ZNF496: variants seen among roughly 807,000 people sequenced by gnomAD.
ZNF496 encodes NSD1 (nuclear receptor binding SET-domain containing 1)-interacting zinc finger protein 1.
ZNF496 carries 11 observed loss-of-function variants against 58.9 expected under a neutral mutation model. The ratio of observed to expected loss-of-function variants is 0.19; its 90% CI spans 0.12 to 0.31. ZNF496 has a LOEUF of 0.31. ZNF496 is among the 10% of genes least tolerant of loss of function. The probability of loss-of-function intolerance (pLI) is 1.00; values close to 1 mark genes in which losing one functional copy is unlikely to be tolerated. For synonymous variants in ZNF496, 338 were observed against 318.2 expected, an observed-to-expected ratio of 1.06 and a Z score of -0.66; for missense variants, 660 against 783.0, an observed-to-expected ratio of 0.84 and a Z score of 1.88.
intron 1 of ZNF496, 42 bp downstream of exon 1, chr1:247,331,748 A>AGGGCG (rs893423828): frequency 2.0e-4 from 30 of 149,106 alleles, no homozygotes; most frequent in Non-Finnish European, 4.2e-4. Flanking sequence ...CGGGCCGAGG[A>AGGGCG]GGGCGGGGCG....
rs1660272227 is a variant in ZNF496 at position 247,330,156 on chromosome 1, A to C, written c.-153-75T>G. The C allele has an allele frequency of 2.6e-5, 4 of 152,338 alleles. No homozygotes were observed. In the South Asian group the frequency reaches 8.3e-4, roughly 31 times the overall value. 9.4% of individuals were successfully genotyped at this position (152,338 alleles called of 1,614,324 possible). A position where few individuals can be genotyped will look rare whatever the true frequency, so the allele number is the denominator to read the frequency against. On this transcript the variant is annotated intron_variant, in intron 2 of 9. Transcript: ENST00000682384. Reference sequence around the variant, plus strand: ...ATGGAAAATCCACCCTTCTGGTGGCAGAGGGCTGATGGTGCTGCGTGCTGG... The same window carrying C: ...ATGGAAAATCCACCCTTCTGGTGGCCGAGGGCTGATGGTGCTGCGTGCTGG...
In ZNF496 at chr1:247,309,260, T is replaced by A. The variant is rs1436636992; in HGVS notation, c.892+439A>T. On this transcript the variant is annotated intron_variant, in intron 8 of 9. Coordinates refer to ENST00000682384, the MANE Select transcript of ZNF496 (RefSeq NM_032752.3). This position sits in a 1 kb window ranked among gnomAD's most constrained non-coding sequence, Gnocchi z 4.3. Reference sequence around the variant, plus strand: ...GCCCCAGCACCTCCCCACACCCCAGTGTCCTCACAGCACCCCTGTACCAGG... The same window carrying A: ...GCCCCAGCACCTCCCCACACCCCAGAGTCCTCACAGCACCCCTGTACCAGG... The A allele has an allele frequency of 6.8e-6, 3 of 444,268 alleles. No homozygotes were observed. The highest frequency in any genetic ancestry group is 2.1e-5 in the African/African-American group (1 of 46,516). The allele number at this position is 444,268 out of a possible 1,614,324, so 27.5% of individuals were successfully genotyped here.
intron 9 of ZNF496, among the ~76,000 whole-genome samples, chr1:247,305,167 T>C (rs1232690227): frequency 2.6e-5 from 4 of 151,920 alleles, no homozygotes; most frequent in African/African-American, 9.7e-5. Flanking sequence ...CCACATATGG[T>C]GGGAGGCCGA....
Position 247,329,594 on chromosome 1 carries a change from G to C in ZNF496, c.-16C>G. On this transcript the variant is annotated 5_prime_UTR_variant, in exon 4 of 10. Coordinates refer to ENST00000682384, the MANE Select transcript of ZNF496 (RefSeq NM_032752.3). This position sits in a 1 kb window ranked among gnomAD's most constrained non-coding sequence, Gnocchi z 5.5. Reference sequence around the variant, plus strand: ...CTGTGGGCATGATGGGATTTGATGGGGGTCAGCAGCAGAAGACGACCCTAT... The same window carrying C: ...CTGTGGGCATGATGGGATTTGATGGCGGTCAGCAGCAGAAGACGACCCTAT... The C allele has an allele frequency of 6.5e-7, 1 of 1,532,318 alleles. No individual in the cohort carries two copies. 94.9% of individuals were successfully genotyped at this position (1,532,318 alleles called of 1,614,324 possible). A position where few individuals can be genotyped will look rare whatever the true frequency, so the allele number is the denominator to read the frequency against.
intron 6 of ZNF496, chr1:247,322,755 C>CA: frequency 7.7e-7 from 1 of 1,291,680 alleles, no homozygotes; most frequent in Non-Finnish European, 1.0e-6. Flanking sequence ...CACTTCCTAA[C>CA]ATTTCTAAAA....
intron 6 of ZNF496, among the ~76,000 whole-genome samples, chr1:247,320,529 T>C (rs1659930044): frequency 6.6e-6 from 1 of 152,240 alleles, no homozygotes; most frequent in Non-Finnish European, 1.5e-5. Flanking sequence ...GGAGGTATCC[T>C]TCTGGTGAAG....
At chr1:247,317,023 C>T (rs762772123) in intron 6 of ZNF496, among the ~76,000 whole-genome samples, 8 of 152,160 alleles carry the variant, frequency 5.3e-5, no homozygotes, top group Non-Finnish European at 1.0e-4. Context: ...TCACTTCCTA[C>T]ATTTTGTTAA....
intron 9 of ZNF496, among the ~76,000 whole-genome samples, chr1:247,304,709 T>C (rs1267171123): frequency 1.3e-5 from 2 of 152,204 alleles, no homozygotes; most frequent in Admixed American, 6.5e-5. Flanking sequence ...TTGGGACCCA[T>C]TACCCTTTCT....
In ZNF496 at chr1:247,300,817, TC is replaced by T. The variant is rs750785589; in HGVS notation, c.1465del (p.Asp489ThrfsTer32). On this transcript the variant is annotated frameshift_variant, in exon 10 of 10. Transcript: ENST00000682384. LOFTEE classifies it high-confidence loss of function. The surrounding 1 kb of genome is among the most constrained non-coding windows in gnomAD (Gnocchi z 5.7). ...TCTCTTCTCCACCGGCTGGAGTCTG[TC>T]CGGCTGCAGGTGTATCCGCCGGTGG... ...LSHRRIHLQPDRLQPVEKREQ... is the reference protein window; with the variant it reads ...LSHRRIHLQPXRLQPVEKREQ... The T allele has an allele frequency of 6.2e-7, 1 of 1,606,730 alleles. No homozygotes were observed. Among genetic ancestry groups the T allele is most frequent in the African/African-American group, 1.3e-5 (1 of 74,986 alleles).
At position 247,319,057 on chromosome 1, in the gene ZNF496, A is replaced by C. The variant is rs571316891; in HGVS notation, c.651+4097T>G. Among the ~76,000 whole-genome samples the C allele has an allele frequency of 4.1e-4, 63 of 152,308 alleles. 2 individuals are homozygous for C. The highest frequency in any genetic ancestry group is 1.8e-3 in the Admixed American group (28 of 15,308). The stretch of plus-strand genomic sequence containing the variant: ...TGCAGTGATGCAATCACAGCTTACT[A>C]TGCAGCCTCAACCCCCTGGGCTCAG... On this transcript the variant is annotated intron_variant, in intron 6 of 9. Coordinates refer to ENST00000682384, the MANE Select transcript of ZNF496 (RefSeq NM_032752.3).
chr1:247,316,994 G>A (rs1448297242), intron 6 of ZNF496, among the ~76,000 whole-genome samples: 1 of 152,220 alleles, frequency 6.6e-6, no homozygotes, highest in Non-Finnish European at 1.5e-5. Flanking sequence ...TCACATGACT[G>A]GGGATGAGTG....
chr1:247,322,550 A>G lies in ZNF496; in HGVS notation c.651+604T>C, dbSNP rs1433659774. The G allele has an allele frequency of 8.0e-6, 3 of 372,960 alleles. No individual in the cohort carries two copies. In the East Asian group the frequency reaches 2.4e-4, roughly 29 times the overall value. 23.1% of individuals were successfully genotyped at this position (372,960 alleles called of 1,614,324 possible). On this transcript the variant is annotated intron_variant, in intron 6 of 9. Transcript: ENST00000682384. ...AGATATGGCCAGAAAACATGGCCAA[A>G]GACAGCAACTGGGCTAGAGAGAGGC...
At chr1:247,319,732 G>A (rs1486100000) in intron 6 of ZNF496, among the ~76,000 whole-genome samples, 1 of 152,144 alleles carries the variant, frequency 6.6e-6, no homozygotes, top group African/African-American at 2.4e-5. Context: ...AGACCAGCCT[G>A]GCCAACATGG....
At chr1:247,301,921 TC>T (rs941963637) in intron 9 of ZNF496, among the ~76,000 whole-genome samples, 25 of 151,946 alleles carry the variant, frequency 1.6e-4, no homozygotes, top group African/African-American at 6.0e-4. Flanking sequence ...GAGTCCTGGG[TC>T]CCCCACAGCT....
rs751609814 is a variant in ZNF496 at position 247,322,803 on chromosome 1, T to C, written c.651+351A>G. 3.1e-6 allele frequency: 4 copies of C among 1,304,824 alleles called. No homozygotes were observed. The South Asian group carries it at 5.0e-5, about 16-fold the overall frequency. 80.8% of individuals were successfully genotyped at this position (1,304,824 alleles called of 1,614,324 possible). A position where few individuals can be genotyped will look rare whatever the true frequency, so the allele number is the denominator to read the frequency against. On this transcript the variant is annotated intron_variant, in intron 6 of 9. Coordinates refer to ENST00000682384, the MANE Select transcript of ZNF496 (RefSeq NM_032752.3). Reference sequence around the variant, plus strand: ...TGCGATGATTATTAAATTGAAAAATTCTCTGTAAAATAAAAGAGCAGAGAG... The same window carrying C: ...TGCGATGATTATTAAATTGAAAAATCCTCTGTAAAATAAAAGAGCAGAGAG...
rs192927022 is a variant in ZNF496 at position 247,298,265 on chromosome 1, T to C, written c.*2254A>G. On this transcript the variant is annotated 3_prime_UTR_variant, in exon 10 of 10. Coordinates refer to ENST00000682384, the MANE Select transcript of ZNF496 (RefSeq NM_032752.3). The stretch of plus-strand genomic sequence containing the variant: ...CATTTACTGCTCCTGGGCATGCAGA[T>C]GCATCTACACAGAAACAGCAGTTGT... 40 of 152,120 alleles carry C rather than the reference T, an allele frequency of 2.6e-4. No individual in the cohort carries two copies. The highest frequency in any genetic ancestry group is 8.9e-4 in the African/African-American group (37 of 41,478). The allele number at this position is 152,120 out of a possible 1,614,324, so 9.4% of individuals were successfully genotyped here. A position where few individuals can be genotyped will look rare whatever the true frequency, so the allele number is the denominator to read the frequency against.
In ZNF496 at chr1:247,329,767, A is replaced by G. The variant is rs189002016; in HGVS notation, c.-37-152T>C. Among the ~76,000 whole-genome samples the G allele has an allele frequency of 5.3e-3, 803 of 152,222 alleles. 5 individuals carry two copies. The highest frequency in any genetic ancestry group is 9.3e-3 in the Non-Finnish European group (630 of 68,000). On this transcript the variant is annotated intron_variant, in intron 3 of 9. Transcript: ENST00000682384. The surrounding 1 kb of genome is among the most constrained non-coding windows in gnomAD (Gnocchi z 5.5). ...GGGAGTGTTGGTGTGGCTGGTCTTT[A>G]CACACAGGATGAAACAGACAGAAAG... is the stretch of plus-strand genomic sequence containing the variant.
intron 6 of ZNF496, among the ~76,000 whole-genome samples, chr1:247,320,041 G>T (rs569758224): frequency 6.6e-6 from 1 of 152,266 alleles, no homozygotes; most frequent in African/African-American, 2.4e-5. Flanking sequence ...TTAATCAAAA[G>T]AAAGAAGAAA....
intron 9 of ZNF496, among the ~76,000 whole-genome samples, chr1:247,304,624 G>A (rs1016328874): frequency 1.1e-4 from 17 of 152,052 alleles, no homozygotes; most frequent in Non-Finnish European, 1.8e-4. Flanking sequence ...CGCCTGCCTC[G>A]GCCTCCCAAA....
Sources: allele counts gnomAD v4.1 joint callset (sites outside exome capture counted in the v4.1 genomes callset), GRCh38; gene constraint gnomAD v4.1.1; non-coding constraint Gnocchi (gnomAD v3.1); transcripts MANE v1.5; gene names NCBI Gene and HGNC (gene_info 2026-07-23, HGNC 2026-07-21).